Variants in AK5 observed in about 807,000 individuals in gnomAD.
The protein encoded by AK5 is adenylate kinase isoenzyme 5.
A neutral mutation model predicts 69.5 loss-of-function variants in AK5; 27 were observed. The observed-to-expected ratio is 0.39, with a 90% CI of 0.29 to 0.54. The LOEUF (loss-of-function observed/expected upper bound fraction) is 0.54, where lower values mean the gene tolerates loss of function less well. AK5 is among the 20% of genes least tolerant of loss of function. AK5 has a pLI of 0.71. For missense variants in AK5, 531 were observed against 700.4 expected, an observed-to-expected ratio of 0.76 and a Z score of 2.73; for synonymous variants, 260 against 244.4, an observed-to-expected ratio of 1.06 and a Z score of -0.60.
At chr1:77,502,678 G>T (rs1189249625) in intron 10 of AK5, among the ~76,000 whole-genome samples, 1 of 152,182 alleles carries the variant, frequency 6.6e-6, no homozygotes. Context: ...CAAAACAATA[G>T]GAAGAAGATG....
chr1:77,531,812 C>G (rs1042693144), intron 12 of AK5, among the ~76,000 whole-genome samples: 3 of 144,740 alleles, frequency 2.1e-5, no homozygotes, highest in African/African-American at 7.6e-5. Flanking sequence ...GGGGGCTGCG[C>G]TCGTCGGGGA....
Position 77,352,039 on chromosome 1 carries a change from C to T in AK5, c.891+11471C>T, listed in dbSNP as rs569446229. ...CTGCCTTCCGGTTTCAAGCAATTCT[C>T]CTGCCTCAGCCTCCCAAGTAGCTGG... On this transcript the variant is annotated intron_variant, in intron 6 of 13. Coordinates refer to ENST00000354567, the MANE Select transcript of AK5 (RefSeq NM_174858.3). Among the ~76,000 whole-genome samples the T allele has an allele frequency of 4.0e-5, 6 of 151,308 alleles. No individual in the cohort carries two copies. The South Asian group carries it at 1.0e-3, about 26-fold the overall frequency.
chr1:77,376,433 C>CAAAAAAA (rs757594684), intron 6 of AK5, among the ~76,000 whole-genome samples: 185 of 13,406 alleles, frequency 0.014, 15 homozygotes, highest in Middle Eastern at 0.11. Flanking sequence ...CACTCAATGC[C>CAAAAAAA]AAAAAAAAAA....
chr1:77,488,586 A>G (rs1324806118), intron 10 of AK5, among the ~76,000 whole-genome samples: 1 of 152,210 alleles, frequency 6.6e-6, no homozygotes, highest in African/African-American at 2.4e-5. Context: ...TTACGTGATC[A>G]CAAGGTCCCA....
rs1297960460 is a variant in AK5 at position 77,326,662 on chromosome 1, A to G, written c.700-13715A>G. Among the ~76,000 whole-genome samples the G allele has an allele frequency of 2.6e-5, 4 of 152,326 alleles. No homozygotes were observed. In the East Asian group the frequency reaches 7.7e-4, roughly 29 times the overall value. Reference sequence around the variant, plus strand: ...TTTTCCTCCAAGAAATGCTTTTAAAAGATTTGAAAATGTGCTTCTTCCTTT... The same window carrying G: ...TTTTCCTCCAAGAAATGCTTTTAAAGGATTTGAAAATGTGCTTCTTCCTTT... On this transcript the variant is annotated intron_variant, in intron 5 of 13. Coordinates refer to ENST00000354567, the MANE Select transcript of AK5 (RefSeq NM_174858.3).
intron 8 of AK5, among the ~76,000 whole-genome samples, chr1:77,424,491 A>G (rs1033052355): frequency 7.9e-5 from 12 of 152,092 alleles, no homozygotes; most frequent in African/African-American, 2.9e-4. Context: ...TAAAACTATG[A>G]TTAATATGCC....
intron 9 of AK5, among the ~76,000 whole-genome samples, chr1:77,483,602 T>A (rs117765432): frequency 0.01 from 1,559 of 152,216 alleles, 35 homozygotes; most frequent in East Asian, 0.079. Flanking sequence ...CCCGAGAGGC[T>A]CAGCGAAAAG....
At chr1:77,363,842 TC>T (rs1310074878) in intron 6 of AK5, among the ~76,000 whole-genome samples, 1 of 152,188 alleles carries the variant, frequency 6.6e-6, no homozygotes, top group Non-Finnish European at 1.5e-5. Context: ...TTAACCACAC[TC>T]CTGATCCTTC....
chr1:77,547,400 G>A (rs1157946277), intron 13 of AK5, among the ~76,000 whole-genome samples: 3 of 148,822 alleles, frequency 2.0e-5, no homozygotes, highest in African/African-American at 7.4e-5. Context: ...CAGCCTCCCA[G>A]GTAGCTGGAA....
chr1:77,444,333 G>A (rs57159766), intron 8 of AK5, among the ~76,000 whole-genome samples: 1 of 44,218 alleles, frequency 2.3e-5, no homozygotes, highest in African/African-American at 8.6e-5. Context: ...TATATATATA[G>A]TATATATACA....
chr1:77,333,946 G>A (rs74090465), intron 5 of AK5, among the ~76,000 whole-genome samples: 2,055 of 152,204 alleles, frequency 0.014, 51 homozygotes, highest in African/African-American at 0.047. Flanking sequence ...CATGATTTAT[G>A]TACTGTCTTT....
chr1:77,460,577 G>T (rs1174974515), intron 8 of AK5, among the ~76,000 whole-genome samples: 1 of 152,142 alleles, frequency 6.6e-6, no homozygotes, highest in Non-Finnish European at 1.5e-5. Flanking sequence ...AATGTTGTAT[G>T]CATACACAAT....
At chr1:77,310,383 A>AT (rs1312395465) in intron 5 of AK5, among the ~76,000 whole-genome samples, 22 of 150,402 alleles carry the variant, frequency 1.5e-4, no homozygotes, top group East Asian at 7.8e-4. Context: ...TTTGGTTTTT[A>AT]TTTTTTTTTC....
chr1:77,392,780 A>G (rs1377278969), intron 6 of AK5, among the ~76,000 whole-genome samples: 1 of 150,622 alleles, frequency 6.6e-6, no homozygotes, highest in African/African-American at 2.4e-5. Context: ...TTTTTTTTTT[A>G]ATATAATTCA....
At chr1:77,462,617 T>C (rs957533564) in intron 8 of AK5, among the ~76,000 whole-genome samples, 4 of 152,196 alleles carry the variant, frequency 2.6e-5, no homozygotes, top group Non-Finnish European at 4.4e-5. Flanking sequence ...TCACATAATA[T>C]GTTATGAATC....
intron 8 of AK5, among the ~76,000 whole-genome samples, chr1:77,429,865 G>A (rs980333315): frequency 9.9e-5 from 15 of 152,244 alleles, no homozygotes; most frequent in African/African-American, 3.6e-4. Context: ...TCAAAAAGAG[G>A]AAATAGCAGG....
chr1:77,372,158 A>C (rs1220502868), intron 6 of AK5, among the ~76,000 whole-genome samples: 2 of 151,430 alleles, frequency 1.3e-5, no homozygotes, highest in African/African-American at 4.8e-5. Flanking sequence ...CCAGACCTTG[A>C]ATAATAACAC....
chr1:77,370,300 G>T (rs948449130), intron 6 of AK5, among the ~76,000 whole-genome samples: 1 of 152,044 alleles, frequency 6.6e-6, no homozygotes, highest in African/African-American at 2.4e-5. Context: ...ACTTTTCCCC[G>T]TAAGTCACTG....
intron 10 of AK5, among the ~76,000 whole-genome samples, chr1:77,502,689 C>T (rs981097079): frequency 6.6e-6 from 1 of 152,192 alleles, no homozygotes; most frequent in African/African-American, 2.4e-5. Flanking sequence ...GAAGAAGATG[C>T]TCATCTGTGG....
Sources: allele counts gnomAD v4.1 joint callset (sites outside exome capture counted in the v4.1 genomes callset), GRCh38; gene constraint gnomAD v4.1.1; transcripts MANE v1.5; gene names NCBI Gene and HGNC (gene_info 2026-07-23, HGNC 2026-07-21).